SPTBN1: variants seen among roughly 807,000 people sequenced by gnomAD.
SPTBN1 encodes spectrin beta, non-erythrocytic 1, also known as spectrin beta chain, non-erythrocytic 1.
In SPTBN1, 32 loss-of-function variants were observed where a neutral mutation model predicts 266.4. The observed-to-expected ratio is 0.12, with a 90% CI of 0.09 to 0.16. The LOEUF is 0.16. Among genes scored for constraint, SPTBN1 ranks in the 10% least tolerant of loss-of-function variants. SPTBN1 has a pLI of 1.00. For missense variants in SPTBN1, 2,296 were observed against 3,067.1 expected (o/e 0.75, Z 5.94); for synonymous variants, 1,336 against 1,162.2 (o/e 1.15, Z -3.04).
chr2:54,619,413 T>G (rs1677849086), intron 7 of SPTBN1, among the ~76,000 whole-genome samples: 1 of 152,230 alleles, frequency 6.6e-6, no homozygotes, highest in African/African-American at 2.4e-5. Flanking sequence ...TAAAGAACCT[T>G]TTTTTCCCTA....
chr2:54,661,356 G>A (rs1681031359), intron 32 of SPTBN1: 3 of 985,822 alleles, frequency 3.0e-6, no homozygotes, highest in Non-Finnish European at 3.6e-6. Context: ...ATATTTAGAT[G>A]TGTCAGTGGA....
At chr2:54,503,070 C>T (rs1669356885) in intron 1 of SPTBN1, among the ~76,000 whole-genome samples, 2 of 152,186 alleles carry the variant, frequency 1.3e-5, no homozygotes, top group African/African-American at 2.4e-5. Context: ...ACATTCTTAG[C>T]CTTCAGTTTG....
At chr2:54,588,689 A>G (rs746442954) in intron 2 of SPTBN1, among the ~76,000 whole-genome samples, 15 of 152,150 alleles carry the variant, frequency 9.9e-5, no homozygotes, top group Non-Finnish European at 2.1e-4. Context: ...GCCCTAACTG[A>G]TCAGTCACCC....
At chr2:54,480,468 C>T (rs1488887917) in intron 1 of SPTBN1, among the ~76,000 whole-genome samples, 1 of 152,236 alleles carries the variant, frequency 6.6e-6, no homozygotes, top group African/African-American at 2.4e-5. Context: ...TTGAGACATA[C>T]TTATCCTAAA....
intron 26 of SPTBN1, among the ~76,000 whole-genome samples, chr2:54,650,646 C>T (rs1471807656): frequency 6.6e-6 from 1 of 152,086 alleles, no homozygotes; most frequent in Non-Finnish European, 1.5e-5. Flanking sequence ...GTCAAGGGTT[C>T]TTGTTGTTAA....
intron 2 of SPTBN1, among the ~76,000 whole-genome samples, chr2:54,557,242 G>C (rs1337758651): frequency 6.6e-6 from 1 of 152,288 alleles, no homozygotes; most frequent in East Asian, 1.9e-4. Flanking sequence ...TGGGGACTGA[G>C]GTGAACCTGG....
Position 54,629,434 on chromosome 2 carries a change from T to C in SPTBN1, c.2300T>C (p.Val767Ala). The change falls in exon 14 of 36, where the codon GTC (valine) becomes GCC (alanine). Residue 767 changes from valine (V) to alanine (A), a missense_variant. Physicochemically the swap from Val to Ala is moderately conservative, Grantham distance 64. This residue lies in a region of SPTBN1 where 434 missense variants were observed against 573.9 expected (regional missense o/e 0.76). Transcript: ENST00000356805. Reference sequence around the variant, plus strand: ...TGGATGCTGGACATCCTCAAGATTGTCTCCAGCAGCGACGTGGGCCACGAT... The same window carrying C: ...TGGATGCTGGACATCCTCAAGATTGCCTCCAGCAGCGACGTGGGCCACGAT... ...DAWMLDILKIVSSSDVGHDEY... is the reference protein window; with the variant it reads ...DAWMLDILKIASSSDVGHDEY... 6.2e-7 allele frequency: 1 copy of C among 1,614,130 alleles called. No individual in the cohort carries two copies. The highest frequency in any genetic ancestry group is 8.5e-7 in the Non-Finnish European group (1 of 1,180,040).
intron 1 of SPTBN1, among the ~76,000 whole-genome samples, chr2:54,512,787 G>A (rs1023885862): frequency 5.3e-5 from 8 of 152,206 alleles, no homozygotes; most frequent in African/African-American, 1.9e-4. Flanking sequence ...GAAGCACTAT[G>A]TTTTAGAGTT....
chr2:54,460,438 A>T (rs530660738), intron 1 of SPTBN1, among the ~76,000 whole-genome samples: 74 of 152,288 alleles, frequency 4.9e-4, no homozygotes, highest in Middle Eastern at 3.4e-3. Context: ...TCAGTGTTTT[A>T]GGTTGTTTTG....
chr2:54,650,241 A>C lies in SPTBN1; in HGVS notation c.5577+252A>C, dbSNP rs545365660. 7.9e-5 allele frequency among the ~76,000 whole-genome samples: 12 copies of C among 152,340 alleles called. No individual in the cohort carries two copies. The South Asian group carries it at 2.5e-3, about 32-fold the overall frequency. Reference sequence around the variant, plus strand: ...AAATAAATAAACCAGATGCATACACAGATGTTTGCAAGTTATAGGCCTCAG... The same window carrying C: ...AAATAAATAAACCAGATGCATACACCGATGTTTGCAAGTTATAGGCCTCAG... On this transcript the variant is annotated intron_variant, in intron 26 of 35. Coordinates refer to ENST00000356805, the MANE Select transcript of SPTBN1 (RefSeq NM_003128.3).
In SPTBN1 at chr2:54,611,855, C is replaced by T. The variant is rs139257455; in HGVS notation, c.301-306C>T. On this transcript the variant is annotated intron_variant, in intron 3 of 35. Transcript: ENST00000356805. ...AAAATTGTATGGATGGCAGCAGTAGCGCTGAAATTCTCCATGAAAATTGGA... is the reference window on the plus strand; with the variant it reads ...AAAATTGTATGGATGGCAGCAGTAGTGCTGAAATTCTCCATGAAAATTGGA... 5.3e-5 allele frequency among the ~76,000 whole-genome samples: 8 copies of T among 152,278 alleles called. No individual in the cohort carries two copies. The East Asian group carries it at 7.7e-4, about 15-fold the overall frequency.
chr2:54,599,225 C>T lies in SPTBN1; in HGVS notation c.282C>T (p.Val94=). 1 of 1,614,122 alleles carries T rather than the reference C, an allele frequency of 6.2e-7. No homozygotes were observed. The highest frequency in any genetic ancestry group is 1.1e-5 in the South Asian group (1 of 91,074). ...DGRMLIKLLE[V]LSGERLPKPT... is the part of the protein sequence containing the mutation. ...GGATGCTCATCAAGCTGCTGGAGGT[C>T]CTCTCTGGAGAGAGGCTGGTGAGTG... Residue 94 remains valine (V), a synonymous_variant, in exon 3 of 36, where the codon GTC becomes GTT. Transcript: ENST00000356805.
In SPTBN1 at chr2:54,668,378, A is replaced by G. The variant is rs756970310; in HGVS notation, c.6904A>G (p.Ile2302Val). 7.4e-6 allele frequency: 12 copies of G among 1,614,114 alleles called. No individual in the cohort carries two copies. In the South Asian group the frequency reaches 7.7e-5, roughly 10 times the overall value. Residue 2302 changes from isoleucine to valine, a missense_variant, in exon 36 of 36, where the codon ATC becomes GTC. Coordinates refer to ENST00000356805, the MANE Select transcript of SPTBN1 (RefSeq NM_003128.3). The stretch of plus-strand genomic sequence containing the variant: ...GGAAATGAACACATGGATCCAGGCT[A>G]TCTCTTCCGCCATCTCCTCTGATAA... ...DEEMNTWIQA[I>V]SSAISSDKHE...
chr2:54,621,148 A>G (rs762248579), intron 7 of SPTBN1, among the ~76,000 whole-genome samples: 12 of 152,198 alleles, frequency 7.9e-5, no homozygotes, highest in Admixed American at 7.9e-4. Context: ...CCAGTATGGT[A>G]GTAGGGCAAG....
At chr2:54,571,070 A>G (rs1262992251) in intron 2 of SPTBN1, among the ~76,000 whole-genome samples, 2 of 152,136 alleles carry the variant, frequency 1.3e-5, no homozygotes, top group Admixed American at 6.5e-5. Flanking sequence ...CACTATCTGC[A>G]AACAACTGCC....
In SPTBN1 at chr2:54,670,379, G is replaced by T; in HGVS notation, c.*1810G>T. 1 of 249,800 alleles carries T rather than the reference G, an allele frequency of 4.0e-6. No individual in the cohort carries two copies. Among genetic ancestry groups the T allele is most frequent in the Non-Finnish European group, 7.6e-6 (1 of 131,690 alleles). The allele number at this position is 249,800 out of a possible 1,614,324, so 15.5% of individuals were successfully genotyped here. The stretch of plus-strand genomic sequence containing the variant: ...AGCAATGGATATTAGTATTATGGAT[G>T]TCCAGTAAGTTATTCCACAAAGACC... On this transcript the variant is annotated 3_prime_UTR_variant, in exon 36 of 36. Coordinates refer to ENST00000356805, the MANE Select transcript of SPTBN1 (RefSeq NM_003128.3).
intron 17 of SPTBN1, among the ~76,000 whole-genome samples, chr2:54,637,441 A>G (rs1679225482): frequency 6.6e-6 from 1 of 152,180 alleles, no homozygotes; most frequent in African/African-American, 2.4e-5. Context: ...TCTTAACACC[A>G]GATTAGGAAG....
rs915764184 is a variant in SPTBN1 at position 54,657,891 on chromosome 2, G to A, written c.6088G>A (p.Glu2030Lys). Residue 2030 changes from glutamate to lysine, a missense_variant, in exon 30 of 36, where the codon GAG (glutamate) becomes AAG (lysine). This residue lies in a region of SPTBN1 where 644 missense variants were observed against 745.3 expected (regional missense o/e 0.86). Transcript: ENST00000356805. ...GTTCTCAAGAGACGCCAGTGTGGCC[G>A]AGGCCTGGCTGCTTGGACAGGAGCC... Reference protein sequence around the residue: ...HQFSRDASVAEAWLLGQEPYL... With the variant: ...HQFSRDASVAKAWLLGQEPYL... 2 of 1,614,236 alleles carry A rather than the reference G, an allele frequency of 1.2e-6. No individual in the cohort carries two copies. The highest frequency in any genetic ancestry group is 8.5e-7 in the Non-Finnish European group (1 of 1,180,040).
At chr2:54,464,626 A>G (rs1289193535) in intron 1 of SPTBN1, among the ~76,000 whole-genome samples, 1 of 152,170 alleles carries the variant, frequency 6.6e-6, no homozygotes, top group Admixed American at 6.5e-5. Context: ...TAAATAATAT[A>G]ATAGATGACC....
Sources: gnomAD v4.1 joint callset for allele counts (sites outside exome capture counted in the v4.1 genomes callset) on GRCh38, gnomAD v4.1.1 for gene constraint, gnomAD v4.1.1 regional missense constraint, MANE v1.5 for transcripts, NCBI Gene and HGNC (gene_info 2026-07-23, HGNC 2026-07-21) for gene names.